ICA1: variants seen among roughly 807,000 people sequenced by gnomAD.
The protein encoded by ICA1 is 69 kDa islet cell autoantigen.
A neutral mutation model predicts 71.0 loss-of-function variants in ICA1; 40 were observed. The observed-to-expected ratio is 0.56, with a 90% confidence interval of 0.44 to 0.73. The LOEUF (loss-of-function observed/expected upper bound fraction) is 0.73, where lower values mean the gene tolerates loss of function less well. Ranked by LOEUF, ICA1 falls within the 30% of genes least tolerant of loss-of-function variation. The pLI is 0.00. For synonymous variants in ICA1, 207 were observed against 209.5 expected (o/e 0.99, Z 0.10); for missense variants, 578 against 576.5 (o/e 1.00, Z -0.03).
chr7:8,201,357 T>C (rs1477838298), intron 6 of ICA1, among the ~76,000 whole-genome samples: 2 of 152,212 alleles, frequency 1.3e-5, no homozygotes, highest in Admixed American at 6.5e-5. Context: ...CTTCGTATTA[T>C]GGTGGTGGTA....
At chr7:8,158,097 G>A (rs1309143682) in intron 7 of ICA1, among the ~76,000 whole-genome samples, 2 of 152,166 alleles carry the variant, frequency 1.3e-5, no homozygotes, top group African/African-American at 4.8e-5. Flanking sequence ...GAACTCAGAG[G>A]CTATCAGGGG....
chr7:8,203,137 G>A (rs372661503), intron 6 of ICA1, among the ~76,000 whole-genome samples: 14 of 152,256 alleles, frequency 9.2e-5, no homozygotes, highest in South Asian at 8.3e-4. Context: ...AAGAGATTTC[G>A]TTAGAAAGGT....
chr7:8,185,489 A>T (rs1339596920), intron 6 of ICA1, among the ~76,000 whole-genome samples: 1 of 152,192 alleles, frequency 6.6e-6, no homozygotes, highest in Non-Finnish European at 1.5e-5. Flanking sequence ...ATCACCTGGG[A>T]GCTTGATAGA....
chr7:8,158,354 T>C (rs1305062461), intron 7 of ICA1, 173 bp downstream of exon 7: 21 of 675,884 alleles, frequency 3.1e-5, no homozygotes, highest in Non-Finnish European at 4.7e-5. Context: ...ATAACTACTA[T>C]TTGGTTTGGT....
intron 10 of ICA1, among the ~76,000 whole-genome samples, chr7:8,140,383 T>G (rs186031554): frequency 1.0e-3 from 159 of 152,328 alleles, no homozygotes; most frequent in East Asian, 4.8e-3. Flanking sequence ...GCCCATAACC[T>G]TTGCCCAGGC....
At chr7:8,138,680 C>T (rs902257833) in intron 12 of ICA1, among the ~76,000 whole-genome samples, 160 bp downstream of exon 12, 11 of 152,128 alleles carry the variant, frequency 7.2e-5, no homozygotes, top group Non-Finnish European at 1.6e-4. Flanking sequence ...CTATTTTGTG[C>T]TTGGGCATAT....
At chr7:8,129,973 C>A (rs1221396691) in intron 12 of ICA1, among the ~76,000 whole-genome samples, 5 of 148,242 alleles carry the variant, frequency 3.4e-5, no homozygotes, top group Admixed American at 2.0e-4. Context: ...TTGTCCTTGG[C>A]GATAGTTTGC....
At position 8,226,401 on chromosome 7, in the gene ICA1, C is replaced by G. The variant is rs1012841744; in HGVS notation, c.256+2200G>C. Among the ~76,000 whole-genome samples, 1 of 152,084 alleles carries G rather than the reference C, an allele frequency of 6.6e-6. No homozygotes were observed. Among genetic ancestry groups the G allele is most frequent in the African/African-American group, 2.4e-5 (1 of 41,406 alleles). The stretch of plus-strand genomic sequence containing the variant: ...TGCAATGTAAAAAAATGGTAATACA[C>G]ACACTCTCCATATATTACCTTTTTT... On this transcript the variant is annotated intron_variant, in intron 4 of 13. Transcript: ENST00000402384. This position sits in a 1 kb window ranked among gnomAD's most constrained non-coding sequence, Gnocchi z 4.4.
At chr7:8,200,010 C>T (rs1789017391) in intron 6 of ICA1, among the ~76,000 whole-genome samples, 2 of 151,926 alleles carry the variant, frequency 1.3e-5, no homozygotes, top group South Asian at 4.2e-4. Flanking sequence ...AACAGGGGGA[C>T]TACAGTGAAT....
At chr7:8,152,566 C>T (rs1019911685) in intron 8 of ICA1, among the ~76,000 whole-genome samples, 158 of 142,680 alleles carry the variant, frequency 1.1e-3, no homozygotes, top group African/African-American at 4.5e-3. Flanking sequence ...ACCACCACCA[C>T]CACCACCACC....
chr7:8,125,030 C>G (rs564816821), intron 13 of ICA1, among the ~76,000 whole-genome samples: 13 of 152,298 alleles, frequency 8.5e-5, no homozygotes, highest in African/African-American at 2.6e-4. Flanking sequence ...CTCAAGCCAT[C>G]TGCCCACCTC....
chr7:8,214,961 G>C (rs1794951233), intron 6 of ICA1, among the ~76,000 whole-genome samples: 1 of 152,172 alleles, frequency 6.6e-6, no homozygotes, highest in Non-Finnish European at 1.5e-5. Flanking sequence ...TCTGGTAGAG[G>C]TCAGAACAGC....
At chr7:8,180,360 G>T (rs555234541) in intron 6 of ICA1, among the ~76,000 whole-genome samples, 7 of 151,920 alleles carry the variant, frequency 4.6e-5, no homozygotes, top group African/African-American at 1.7e-4. Flanking sequence ...GTAACAGTTC[G>T]TTCTTTTTCA....
intron 1 of ICA1, among the ~76,000 whole-genome samples, chr7:8,250,149 C>G (rs757462424): frequency 2.0e-5 from 3 of 152,196 alleles, no homozygotes; most frequent in Non-Finnish European, 2.9e-5. Flanking sequence ...CTGTGCATTT[C>G]TTTTGGGCAA....
intron 6 of ICA1, among the ~76,000 whole-genome samples, chr7:8,169,587 T>C (rs1271598865): frequency 6.6e-6 from 1 of 152,126 alleles, no homozygotes; most frequent in Non-Finnish European, 1.5e-5. Context: ...TTAATTTGCA[T>C]TTCTCTAATG....
Position 8,247,203 on chromosome 7 carries a change from G to C in ICA1, c.-79-11198C>G, listed in dbSNP as rs537353637. On this transcript the variant is annotated intron_variant, in intron 1 of 13. Transcript: ENST00000402384. ...GTGATGCCTCATGCCTGTAATCCCAGAACTTTGGGAGGCCAAGGCAAGTGG... is the reference window on the plus strand; with the variant it reads ...GTGATGCCTCATGCCTGTAATCCCACAACTTTGGGAGGCCAAGGCAAGTGG... Among the ~76,000 whole-genome samples, 12 of 152,192 alleles carry C rather than the reference G, an allele frequency of 7.9e-5. No homozygotes were observed. In the East Asian group the frequency reaches 1.9e-3, roughly 25 times the overall value.
rs905146481 is a variant in ICA1, at chr7:8,228,196, G to T, written c.256+405C>A. Among the ~76,000 whole-genome samples the T allele has an allele frequency of 2.6e-5, 4 of 152,064 alleles. No individual in the cohort carries two copies. The South Asian group carries it at 8.3e-4, about 32-fold the overall frequency. On this transcript the variant is annotated intron_variant, in intron 4 of 13. Coordinates refer to ENST00000402384, the MANE Select transcript of ICA1 (RefSeq NM_001136020.3). ...ATGCAAAAAACATTCATGAAGAAAT[G>T]TTGTCAACAAAATGTCATCAACAAA...
intron 6 of ICA1, among the ~76,000 whole-genome samples, chr7:8,216,616 C>T (rs1381937496): frequency 1.4e-5 from 2 of 145,868 alleles, no homozygotes; most frequent in Non-Finnish European, 3.0e-5. Flanking sequence ...ATTCTTCTGC[C>T]TTCCAGAATA....
chr7:8,185,435 T>C lies in ICA1; in HGVS notation c.580-26783A>G, dbSNP rs374063481. Among the ~76,000 whole-genome samples, 7 of 152,330 alleles carry C rather than the reference T, an allele frequency of 4.6e-5. No individual in the cohort carries two copies. The East Asian group carries it at 1.2e-3, about 25-fold the overall frequency. On this transcript the variant is annotated intron_variant, in intron 6 of 13. Transcript: ENST00000402384. ...CCATTTATTCATCAACGAATGATTA[T>C]GCTTACTTACGCTCAGTGTACTGTC...
Sources: gnomAD v4.1 joint callset for allele counts (sites outside exome capture counted in the v4.1 genomes callset) on GRCh38, gnomAD v4.1.1 for gene constraint, Gnocchi (gnomAD v3.1) non-coding constraint, MANE v1.5 for transcripts, NCBI Gene and HGNC (gene_info 2026-07-23, HGNC 2026-07-21) for gene names.